The following GBP4 variants were observed in gnomAD, a reference collection of about 807,000 sequenced individuals.
The protein encoded by GBP4 is guanylate binding protein 4, also known as guanylate-binding protein 4.
Under a neutral mutation model 62.2 loss-of-function variants are expected in GBP4, and 69 were observed. The observed-to-expected ratio is 1.11, with a 90% CI of 0.91 to 1.36. GBP4 has a LOEUF of 1.36. Ranked by LOEUF, GBP4 falls within the 40% of genes most tolerant of loss-of-function variation. GBP4 has a pLI of 0.00. For synonymous variants in GBP4, 278 were observed against 274.6 expected, an observed-to-expected ratio of 1.01 and a Z score of -0.12; for missense variants, 697 against 759.3, an observed-to-expected ratio of 0.92 and a Z score of 0.96.
chr1:89,196,911 TC>T (rs1158831465), intron 2 of GBP4, among the ~76,000 whole-genome samples, 198 bp downstream of exon 2: 1 of 152,224 alleles, frequency 6.6e-6, no homozygotes, highest in Non-Finnish European at 1.5e-5. Context: ...AACGGATCTT[TC>T]GATAGGGTTG....
chr1:89,184,668 G>C lies in GBP4; in HGVS notation c.*586C>G, dbSNP rs1362692266. The C allele has an allele frequency of 1.3e-5, 2 of 152,120 alleles. No homozygotes were observed. The highest frequency in any genetic ancestry group is 2.4e-5 in the African/African-American group (1 of 41,330). The allele number at this position is 152,120 out of a possible 1,614,324, so 9.4% of individuals were successfully genotyped here. ...AACAAAGAGAACACATGGATACTCA[G>C]AGGAGAACAAGAGACACTGGGGTCT... On this transcript the variant is annotated 3_prime_UTR_variant, in exon 11 of 11. Transcript: ENST00000355754.
chr1:89,190,602 A>G (rs777369916), intron 6 of GBP4, among the ~76,000 whole-genome samples: 9 of 152,102 alleles, frequency 5.9e-5, no homozygotes, highest in Non-Finnish European at 1.2e-4. Flanking sequence ...GGAAAAATAC[A>G]TTTCCATTTA....
At chr1:89,193,122 G>A in intron 4 of GBP4, 22 bp from the exon 5 acceptor site, 1 of 1,609,774 alleles carries the variant, frequency 6.2e-7, no homozygotes, top group Non-Finnish European at 8.5e-7. Flanking sequence ...GCTAAGGAAG[G>A]ATAGCACCCT....
chr1:89,191,255 A>G lies in GBP4; in HGVS notation c.916+6T>C, dbSNP rs910304723. On this transcript the variant is annotated splice_donor_region_variant and intron_variant, in intron 6 of 10. Transcript: ENST00000355754. ...CAGACATGCTTTGGGACAAAAAAAG[A>G]CTCACGCTTTCCAGTGACAATGATT... The G allele has an allele frequency of 6.2e-7, 1 of 1,609,832 alleles. No individual in the cohort carries two copies. The highest frequency in any genetic ancestry group is 8.5e-7 in the Non-Finnish European group (1 of 1,176,416).
chr1:89,192,089 C>G (rs960300796), intron 5 of GBP4, among the ~76,000 whole-genome samples: 1 of 152,284 alleles, frequency 6.6e-6, no homozygotes, highest in South Asian at 2.1e-4. Flanking sequence ...AACTTGGAGA[C>G]CTCACCACCT....
Position 89,190,155 on chromosome 1 carries a change from G to A in GBP4, c.1080C>T (p.Pro360=), listed in dbSNP as rs761473019. 17 of 1,614,022 alleles carry A rather than the reference G, an allele frequency of 1.1e-5. No individual in the cohort carries two copies. The highest frequency in any genetic ancestry group is 6.7e-5 in the African/African-American group (5 of 74,908). Residue 360 remains proline, a synonymous_variant, in exon 7 of 11, where the codon CCC becomes CCT. Transcript: ENST00000355754. ...SQQMAQQLRL[P]TDTLQELLDV... ...CCAGCAGCTCCTGGAGCGTGTCTGTGGGGAGCCTCAGTTGCTGGGCCATCT... is the reference window on the plus strand; with the variant it reads ...CCAGCAGCTCCTGGAGCGTGTCTGTAGGGAGCCTCAGTTGCTGGGCCATCT...
At chr1:89,197,031 G>T in intron 2 of GBP4, 79 bp downstream of exon 2, 1 of 1,197,684 alleles carries the variant, frequency 8.3e-7, no homozygotes, top group Non-Finnish European at 1.1e-6. Flanking sequence ...CCTTCTTTAG[G>T]ATGACCCTAG....
rs767733891 is a variant in GBP4, at chr1:89,191,246, C to A, written c.916+15G>T. The A allele has an allele frequency of 6.2e-7, 1 of 1,607,634 alleles. No individual in the cohort carries two copies. Among genetic ancestry groups the A allele is most frequent in the Non-Finnish European group, 8.5e-7 (1 of 1,174,610 alleles). ...GACCACAGACAGACATGCTTTGGGA[C>A]AAAAAAAGACTCACGCTTTCCAGTG... On this transcript the variant is annotated intron_variant, in intron 6 of 10. Coordinates refer to ENST00000355754, the MANE Select transcript of GBP4 (RefSeq NM_052941.5).
At chr1:89,191,575 C>A in intron 5 of GBP4, 69 bp from the exon 6 acceptor site, 1 of 1,513,074 alleles carries the variant, frequency 6.6e-7, no homozygotes, top group Non-Finnish European at 9.0e-7. Context: ...AGGACTTTTC[C>A]AGGGATCTTT....
rs1359818488 is a variant in GBP4, at chr1:89,186,476, C to G, written c.1564G>C (p.Glu522Gln). 1.2e-5 allele frequency: 20 copies of G among 1,614,146 alleles called. No homozygotes were observed. The highest frequency in any genetic ancestry group is 1.6e-5 in the Non-Finnish European group (19 of 1,180,018). The change falls in exon 10 of 11, where the codon GAA (glutamate) becomes CAA (glutamine). Residue 522 changes from glutamate (E) to glutamine (Q), a missense_variant. Glu to Gln is a conservative substitution (Grantham distance 29, BLOSUM62 2). Transcript: ENST00000355754. ...ATTTGCTGCTGCTCCTTCTGTTTTT[C>G]TCTTAGCAGCTCCTGTTCCTTCTCA... ...AAEKEQELLR[E>Q]KQKEQQQMME... is the part of the protein sequence containing the mutation.
At position 89,191,474 on chromosome 1, in the gene GBP4, G is replaced by C. The variant is rs1254756187; in HGVS notation, c.703C>G (p.Pro235Ala). ...KNPKIQNSNM[P>A]RECIRHFFRK... ...AAGAAATGCCTGATACACTCTCTAG[G>C]CATGTTTGAATTTTGAATTTTGGGA... The change falls in exon 6 of 11, where the codon CCT becomes GCT. Residue 235 changes from proline (P) to alanine (A), a missense_variant. Pro to Ala is a conservative substitution (Grantham distance 27). Transcript: ENST00000355754. The C allele has an allele frequency of 6.2e-7, 1 of 1,613,614 alleles. No homozygotes were observed. The highest frequency in any genetic ancestry group is 8.5e-7 in the Non-Finnish European group (1 of 1,179,620).
At chr1:89,189,736 C>T (rs1312055049) in intron 7 of GBP4, among the ~76,000 whole-genome samples, 4 of 152,240 alleles carry the variant, frequency 2.6e-5, no homozygotes, top group Admixed American at 6.5e-5. Context: ...TGTTTTCAGC[C>T]TGTGGCACAC....
At chr1:89,186,921 A>G in intron 9 of GBP4, 79 bp downstream of exon 9, 1 of 1,302,220 alleles carries the variant, frequency 7.7e-7, no homozygotes, top group Admixed American at 1.9e-5. Flanking sequence ...TTTTAACTGG[A>G]ATATCTTTCA....
Position 89,197,142 on chromosome 1 carries a change from TAGG to T in GBP4, c.200_202del (p.Ser67del). On this transcript the variant is annotated inframe_deletion, in exon 2 of 11. Transcript: ENST00000355754. ...CTTTCCTGCAAGACGATTCATGAGA[TAGG>T]ATTTTCCTGTGCGGTATAGCCCTAC... 6.2e-7 allele frequency: 1 copy of T among 1,613,648 alleles called. No homozygotes were observed.
chr1:89,187,012 T>A lies in GBP4; in HGVS notation c.1501A>T (p.Lys501Ter). Residue 501 changes from lysine to a stop codon, truncating the protein, a stop_gained, in exon 9 of 11, where the codon AAG becomes TAG. Transcript: ENST00000355754. LOFTEE classifies it high-confidence loss of function. ...QSDKALTAGE[K>*]AIAAERAMKE... ...CCTGCCCCTGTACCTGCTATGGCCT[T>A]CTCTCCAGCAGTGAGGGCTTTGTCT... The A allele has an allele frequency of 6.2e-7, 1 of 1,613,942 alleles. No homozygotes were observed. The highest frequency in any genetic ancestry group is 2.2e-5 in the East Asian group (1 of 44,880).
In GBP4 at chr1:89,181,391, A is replaced by C. The variant is rs1647875403; in HGVS notation, c.*3863T>G. On this transcript the variant is annotated 3_prime_UTR_variant, in exon 11 of 11. Coordinates refer to ENST00000355754, the MANE Select transcript of GBP4 (RefSeq NM_052941.5). Reference sequence around the variant, plus strand: ...ACAAGGTAATGTCATCAGTTAAGGCAGGAACAGGCCATTTTCACTTCTTTT... The same window carrying C: ...ACAAGGTAATGTCATCAGTTAAGGCCGGAACAGGCCATTTTCACTTCTTTT... 1 of 152,190 alleles carries C rather than the reference A, an allele frequency of 6.6e-6. No homozygotes were observed. The highest frequency in any genetic ancestry group is 6.5e-5 in the Admixed American group (1 of 15,286). 9.4% of individuals were successfully genotyped at this position (152,190 alleles called of 1,614,324 possible).
In GBP4 at chr1:89,181,202, GAC is replaced by G. The variant is rs1317443469; in HGVS notation, c.*4050_*4051del. The G allele has an allele frequency of 5.9e-5, 9 of 152,158 alleles. No homozygotes were observed. The highest frequency in any genetic ancestry group is 9.7e-5 in the African/African-American group (4 of 41,432). The allele number at this position is 152,158 out of a possible 1,614,324, so 9.4% of individuals were successfully genotyped here. A position where few individuals can be genotyped will look rare whatever the true frequency, so the allele number is the denominator to read the frequency against. ...GGTGCAGGCTGGCTGAGTCCGAAAA[GAC>G]AGTCAGTGAAGGGAGATAGGGTTGG... On this transcript the variant is annotated 3_prime_UTR_variant, in exon 11 of 11. Transcript: ENST00000355754.
chr1:89,186,284 G>A, intron 10 of GBP4, 49 bp downstream of exon 10: 1 of 1,494,442 alleles, frequency 6.7e-7, no homozygotes, highest in Non-Finnish European at 9.2e-7. Flanking sequence ...CTTTCCTAAA[G>A]AAGCAGGGCA....
At position 89,182,906 on chromosome 1, in the gene GBP4, T is replaced by C. The variant is rs1647926737; in HGVS notation, c.*2348A>G. 6.6e-6 allele frequency: 1 copy of C among 152,180 alleles called. No homozygotes were observed. The highest frequency in any genetic ancestry group is 6.5e-5 in the Admixed American group (1 of 15,286). The allele number at this position is 152,180 out of a possible 1,614,324, so 9.4% of individuals were successfully genotyped here. ...GAGTATCAAACAATATAAAACAATA[T>C]AAGAAGGTCTCTCTCTTCCCTCAAT... is the stretch of plus-strand genomic sequence containing the variant. On this transcript the variant is annotated 3_prime_UTR_variant, in exon 11 of 11. Coordinates refer to ENST00000355754, the MANE Select transcript of GBP4 (RefSeq NM_052941.5).
Sources: gnomAD v4.1 joint callset for allele counts (sites outside exome capture counted in the v4.1 genomes callset) on GRCh38, gnomAD v4.1.1 for gene constraint, MANE v1.5 for transcripts, NCBI Gene and HGNC (gene_info 2026-07-23, HGNC 2026-07-21) for gene names.